The following HECW2 variants were observed in gnomAD, a reference collection of about 807,000 sequenced individuals.
HECW2 encodes the protein HECT, C2 and WW domain containing E3 ubiquitin protein ligase 2.
In HECW2, 61 loss-of-function variants were observed where a neutral mutation model predicts 175.2. The observed-to-expected ratio is 0.35, with a 90% confidence interval of 0.28 to 0.43. HECW2 has a LOEUF of 0.43. Among genes scored for constraint, HECW2 ranks in the 20% least tolerant of loss-of-function variants. The pLI is 1.00. For synonymous variants in HECW2, 671 were observed against 731.0 expected (o/e 0.92, Z 1.32); for missense variants, 1,524 against 2,000.5 (o/e 0.76, Z 4.54).
chr2:196,325,816 T>A (rs1692129404), intron 5 of HECW2, among the ~76,000 whole-genome samples: 1 of 152,204 alleles, frequency 6.6e-6, no homozygotes, highest in Non-Finnish European at 1.5e-5. Context: ...ACTTAAATAT[T>A]TGAAGAATGT....
chr2:196,376,838 A>G (rs556288523), intron 2 of HECW2, among the ~76,000 whole-genome samples: 6 of 151,836 alleles, frequency 4.0e-5, no homozygotes, highest in Non-Finnish European at 5.9e-5. Flanking sequence ...AGAGGCTGAG[A>G]TAGGAGAATC....
At chr2:196,542,592 C>A (rs1340865018) in intron 1 of HECW2, among the ~76,000 whole-genome samples, 1 of 151,968 alleles carries the variant, frequency 6.6e-6, no homozygotes, top group Non-Finnish European at 1.5e-5. Context: ...CTCCCTTACA[C>A]CCTTTTCTGT....
chr2:196,253,110 TC>T (rs1205144847), intron 19 of HECW2, among the ~76,000 whole-genome samples: 1 of 152,234 alleles, frequency 6.6e-6, no homozygotes, highest in African/African-American at 2.4e-5. Flanking sequence ...GTTTGCAGTA[TC>T]CAATTAGGCT....
At chr2:196,231,157 A>T (rs1688042762) in intron 21 of HECW2, among the ~76,000 whole-genome samples, 1 of 147,910 alleles carries the variant, frequency 6.8e-6, no homozygotes, top group South Asian at 2.1e-4. Flanking sequence ...TTAAAATTTC[A>T]CTTTTTGAGA....
intron 1 of HECW2, among the ~76,000 whole-genome samples, chr2:196,555,224 T>C (rs577076851): frequency 6.6e-6 from 1 of 152,312 alleles, no homozygotes; most frequent in Non-Finnish European, 1.5e-5. Context: ...ATCATCATTA[T>C]GGAGGCGGGG....
At position 196,308,057 on chromosome 2, in the gene HECW2, G is replaced by A. The variant is rs1257764952; in HGVS notation, c.2463C>T (p.Gly821=). 1 of 1,590,654 alleles carries A rather than the reference G, an allele frequency of 6.3e-7. No individual in the cohort carries two copies. The highest frequency in any genetic ancestry group is 1.1e-5 in the South Asian group (1 of 88,344). Residue 821 remains glycine (G), a synonymous_variant, in exon 11 of 29, where the codon GGC becomes GGT. Coordinates refer to ENST00000644978, the MANE Select transcript of HECW2 (RefSeq NM_001348768.2). The stretch of plus-strand genomic sequence containing the variant: ...TTACGTGATCCACGTAGAAGATCCT[G>A]CCGTGGCTGTCAATGCGTGCCTCCC... The part of the protein sequence containing the change: ...PNWEARIDSH[G]RIFYVDHVNR...
intron 15 of HECW2, among the ~76,000 whole-genome samples, chr2:196,275,623 G>A (rs188948643): frequency 4.3e-4 from 66 of 152,190 alleles, no homozygotes; most frequent in African/African-American, 1.5e-3. Flanking sequence ...GCGGTGGCAG[G>A]TGCCTGTAGT....
chr2:196,520,288 T>C (rs755556115), intron 1 of HECW2, among the ~76,000 whole-genome samples: 3 of 150,726 alleles, frequency 2.0e-5, no homozygotes, highest in Non-Finnish European at 2.9e-5. Flanking sequence ...AAAGATCCAG[T>C]GAGCATGGTA....
intron 1 of HECW2, among the ~76,000 whole-genome samples, chr2:196,508,496 C>T (rs1687842559): frequency 1.3e-5 from 2 of 152,192 alleles, no homozygotes; most frequent in African/African-American, 4.8e-5. Flanking sequence ...TCAAAGTTCA[C>T]GGATTATAAA....
chr2:196,307,850 A>T, intron 11 of HECW2, 85 bp downstream of exon 11: 1 of 1,262,778 alleles, frequency 7.9e-7, no homozygotes, highest in Non-Finnish European at 1.1e-6. Context: ...AAGATCAAAG[A>T]GACAACCATG....
intron 13 of HECW2, among the ~76,000 whole-genome samples, chr2:196,298,079 C>T (rs756063425): frequency 1.1e-4 from 17 of 152,064 alleles, no homozygotes; most frequent in Non-Finnish European, 2.1e-4. Flanking sequence ...GAAACTTAAA[C>T]GCTAGAATTA....
chr2:196,442,477 A>C (rs1253947178), intron 1 of HECW2, among the ~76,000 whole-genome samples: 1 of 152,204 alleles, frequency 6.6e-6, no homozygotes, highest in Non-Finnish European at 1.5e-5. Context: ...AAAGAAGCAG[A>C]GATGCCAGCA....
At chr2:196,455,112 C>A (rs900525965) in intron 1 of HECW2, among the ~76,000 whole-genome samples, 4 of 151,708 alleles carry the variant, frequency 2.6e-5, no homozygotes, top group Middle Eastern at 3.4e-3. Context: ...CGGCTCACTG[C>A]GACCTCCACC....
At chr2:196,592,740 TCCGCTACCTGCGGCGAGGGCCGCGCG>T (rs1691249342) in intron 1 of HECW2, 1 of 152,018 alleles carries the variant, frequency 6.6e-6, no homozygotes, top group Non-Finnish European at 1.5e-5. Flanking sequence ...CCTCCCGCCG[TCCGCTACCTGCGGCGAGGGCCGCGCG>T]CTCACCTGGG....
At chr2:196,564,567 A>G (rs918225083) in intron 1 of HECW2, among the ~76,000 whole-genome samples, 21 of 152,310 alleles carry the variant, frequency 1.4e-4, no homozygotes, top group African/African-American at 4.6e-4. Context: ...AATGTGACAG[A>G]ATGCAACAGA....
chr2:196,528,518 G>C (rs1391256013), intron 1 of HECW2, among the ~76,000 whole-genome samples: 2 of 152,164 alleles, frequency 1.3e-5, no homozygotes, highest in South Asian at 4.1e-4. Context: ...ATCAGGGGCA[G>C]AAACACCAGG....
At chr2:196,452,793 C>CT (rs1004160777) in intron 1 of HECW2, among the ~76,000 whole-genome samples, 2 of 134,628 alleles carry the variant, frequency 1.5e-5, no homozygotes, top group Non-Finnish European at 3.1e-5. Context: ...CCCCAAAGCA[C>CT]TAAAAAAAAA....
In HECW2 at chr2:196,194,543, G is replaced by A. The variant is rs1280919160; in HGVS notation, c.*6734C>T. On this transcript the variant is annotated 3_prime_UTR_variant, in exon 29 of 29. Transcript: ENST00000644978. ...CAACAAAAGAGTCAGGGGTTCAGTT[G>A]AGAATAAGAATACAGACTTCCCAGA... The A allele has an allele frequency of 2.6e-5, 4 of 152,164 alleles. No homozygotes were observed. The highest frequency in any genetic ancestry group is 4.2e-4 in the South Asian group (2 of 4,812). The allele number at this position is 152,164 out of a possible 1,614,324, so 9.4% of individuals were successfully genotyped here.
intron 2 of HECW2, among the ~76,000 whole-genome samples, chr2:196,390,842 G>A (rs928895492): frequency 3.3e-5 from 5 of 152,154 alleles, no homozygotes; most frequent in African/African-American, 9.7e-5. Flanking sequence ...AATGGGCTAC[G>A]TACTTAGACA....
Sources: gnomAD v4.1 joint callset for allele counts (sites outside exome capture counted in the v4.1 genomes callset) on GRCh38, gnomAD v4.1.1 for gene constraint, MANE v1.5 for transcripts, NCBI Gene and HGNC (gene_info 2026-07-23, HGNC 2026-07-21) for gene names.